The following ESR1 variants were observed in gnomAD, a reference collection of about 807,000 sequenced individuals.
The protein encoded by ESR1 is estrogen receptor 1.
In ESR1, 12 loss-of-function variants were observed where a neutral mutation model predicts 52.7. That is an observed-to-expected ratio of 0.23 (90% CI 0.15 to 0.37). The LOEUF (loss-of-function observed/expected upper bound fraction) is 0.37, where lower values mean the gene tolerates loss of function less well. Among genes scored for constraint, ESR1 ranks in the 10% least tolerant of loss-of-function variants. The pLI, the probability that ESR1 is intolerant of heterozygous loss-of-function variation, is 1.00. For synonymous variants in ESR1, 305 were observed against 316.8 expected (o/e 0.96, Z 0.39); for missense variants, 584 against 779.7 (o/e 0.75, Z 2.99).
At chr6:151,863,593 G>A (rs1342349702) in intron 2 of ESR1, among the ~76,000 whole-genome samples, 3 of 152,046 alleles carry the variant, frequency 2.0e-5, no homozygotes, top group Non-Finnish European at 4.4e-5. Context: ...CTGCAAACAG[G>A]GACAATTTGA....
Position 152,008,009 on chromosome 6 carries a change from C to T in ESR1, c.1097-3647C>T, listed in dbSNP as rs184890408. Among the ~76,000 whole-genome samples the T allele has an allele frequency of 2.0e-3, 308 of 152,158 alleles. 1 individual carries two copies. Among genetic ancestry groups the T allele is most frequent in the Non-Finnish European group, 3.7e-3 (252 of 67,982 alleles). On this transcript the variant is annotated intron_variant, in intron 4 of 7. Transcript: ENST00000206249. Reference sequence around the variant, plus strand: ...AAGGTCTTGAAACTTGATGTCTATCCATAGTTGGCCCAATATAATTTTGCA... The same window carrying T: ...AAGGTCTTGAAACTTGATGTCTATCTATAGTTGGCCCAATATAATTTTGCA...
At chr6:151,711,933 C>T (rs1200177914) in intron 2 of ESR1, among the ~76,000 whole-genome samples, 1 of 152,090 alleles carries the variant, frequency 6.6e-6, no homozygotes, top group Admixed American at 6.6e-5. Flanking sequence ...ATGCCTGTGT[C>T]CTAAATGGTA....
chr6:151,916,589 CCT>C (rs1562544696), intron 3 of ESR1, among the ~76,000 whole-genome samples: 1 of 152,082 alleles, frequency 6.6e-6, no homozygotes, highest in African/African-American at 2.4e-5. Flanking sequence ...CTTTCGATGA[CCT>C]CTCTATTAAA....
intron 6 of ESR1, among the ~76,000 whole-genome samples, chr6:152,119,032 C>T (rs992060942): frequency 1.3e-5 from 2 of 152,208 alleles, no homozygotes; most frequent in Admixed American, 6.5e-5. Context: ...GAACAAGGAA[C>T]CTGTCCACTG....
intron 5 of ESR1, 93 bp downstream of exon 5, chr6:152,011,887 A>G (rs2042791416): frequency 5.7e-6 from 8 of 1,404,856 alleles, no homozygotes; most frequent in Non-Finnish European, 7.9e-6. Context: ...GTGAAGCTTC[A>G]GAGAACTTTA....
At chr6:152,069,071 G>A (rs1232328669) in intron 6 of ESR1, among the ~76,000 whole-genome samples, 1 of 137,670 alleles carries the variant, frequency 7.3e-6, no homozygotes, top group African/African-American at 3.2e-5. Flanking sequence ...TTGATGGCAT[G>A]TTGCATGGTA....
In ESR1 at chr6:151,730,550, C is replaced by T. The variant is rs183007923; in HGVS notation, c.-71+28545C>T. ...CTCCCATTCGAGTTCCTCACTAGCTCCTTTTTGACAGTTCTTTCTTTTTTG... is the reference window on the plus strand; with the variant it reads ...CTCCCATTCGAGTTCCTCACTAGCTTCTTTTTGACAGTTCTTTCTTTTTTG... On this transcript the variant is annotated intron_variant, in intron 2 of 2. Transcript: ENST00000404742. Among the ~76,000 whole-genome samples, 18 of 152,286 alleles carry T rather than the reference C, an allele frequency of 1.2e-4. No individual in the cohort carries two copies. The East Asian group carries it at 3.1e-3, about 26-fold the overall frequency.
chr6:151,809,228 C>G (rs1182199044), intron 1 of ESR1: 1 of 450,592 alleles, frequency 2.2e-6, no homozygotes, highest in Non-Finnish European at 4.7e-6. Context: ...GGAGCGCGGC[C>G]GGTCCAGGAC....
At chr6:151,697,510 G>A (rs1779442326) in intron 1 of ESR1, among the ~76,000 whole-genome samples, 4 of 152,302 alleles carry the variant, frequency 2.6e-5, no homozygotes, top group Non-Finnish European at 5.9e-5. Context: ...TGCCTTATAT[G>A]TGTAAAATGC....
chr6:151,680,025 T>A lies in ESR1; in HGVS notation n.74-21850T>A, dbSNP rs375892009. Among the ~76,000 whole-genome samples the A allele has an allele frequency of 4.6e-5, 7 of 152,158 alleles. No individual in the cohort carries two copies. The South Asian group carries it at 1.5e-3, about 32-fold the overall frequency. On this transcript the variant is annotated intron_variant and non_coding_transcript_variant, in intron 1 of 2. Transcript: ENST00000473497. ...CATCTGACTTTCTTTCTATATATAT[T>A]TTATTTATTGGTTAGCTCGGCTGCT...
chr6:151,860,178 G>A (rs1432317229), intron 2 of ESR1, among the ~76,000 whole-genome samples: 1 of 151,998 alleles, frequency 6.6e-6, no homozygotes, highest in Non-Finnish European at 1.5e-5. Context: ...TGTACAAGAT[G>A]TTTTGATATA....
intron 5 of ESR1, among the ~76,000 whole-genome samples, chr6:152,034,620 T>G (rs2045108946): frequency 6.6e-6 from 1 of 152,138 alleles, no homozygotes; most frequent in Admixed American, 6.6e-5. Context: ...GAGTTTTCTG[T>G]TTCTGAAATG....
chr6:151,719,744 A>C (rs1332519703), intron 2 of ESR1, among the ~76,000 whole-genome samples: 1 of 152,170 alleles, frequency 6.6e-6, no homozygotes, highest in African/African-American at 2.4e-5. Flanking sequence ...CCCTTAGATC[A>C]CTAGGAAAAT....
At chr6:151,699,861 G>C (rs991049884) in intron 1 of ESR1, among the ~76,000 whole-genome samples, 1 of 152,098 alleles carries the variant, frequency 6.6e-6, no homozygotes, top group African/African-American at 2.4e-5. Context: ...GCCAAGTTGA[G>C]AATTGAGCAA....
At chr6:152,097,101 C>A (rs9341059) in intron 7 of ESR1, among the ~76,000 whole-genome samples, 1 of 152,064 alleles carries the variant, frequency 6.6e-6, no homozygotes, top group Non-Finnish European at 1.5e-5. Context: ...CTGTTGGAAT[C>A]GTGTGAAAAG....
At chr6:151,668,827 G>C (rs1460515720) in intron 1 of ESR1, among the ~76,000 whole-genome samples, 2 of 152,114 alleles carry the variant, frequency 1.3e-5, no homozygotes, top group Admixed American at 1.3e-4. Context: ...TACTTTATTA[G>C]AGAAAGGGCA....
chr6:152,094,395 A>G lies in ESR1; in HGVS notation c.1380A>G (p.Thr460=). Residue 460 remains threonine, a synonymous_variant, in exon 7 of 8, where the codon ACA becomes ACG. Transcript: ENST00000206249. The surrounding 1 kb of genome is among the most constrained non-coding windows in gnomAD (Gnocchi z 4.6). ...TCTCTGCGCATTCAGGAGTGTACACATTTCTGTCCAGCACCCTGAAGTCTC... is the reference window on the plus strand; with the variant it reads ...TCTCTGCGCATTCAGGAGTGTACACGTTTCTGTCCAGCACCCTGAAGTCTC... ...SIILLNSGVY[T]FLSSTLKSLE... 1 of 1,613,966 alleles carries G rather than the reference A, an allele frequency of 6.2e-7. No homozygotes were observed. The highest frequency in any genetic ancestry group is 2.2e-5 in the East Asian group (1 of 44,876).
At chr6:151,730,880 A>G (rs1007452408) in intron 2 of ESR1, among the ~76,000 whole-genome samples, 2 of 152,220 alleles carry the variant, frequency 1.3e-5, no homozygotes, top group African/African-American at 2.4e-5. Context: ...ATTAAATTAA[A>G]TAGATATAAT....
chr6:152,021,189 C>T (rs1251802650), intron 5 of ESR1, among the ~76,000 whole-genome samples: 1 of 152,088 alleles, frequency 6.6e-6, no homozygotes, highest in Non-Finnish European at 1.5e-5. Context: ...TAGTCAGCTG[C>T]CAGCGAATAT....
Sources: gnomAD v4.1 joint callset for allele counts (sites outside exome capture counted in the v4.1 genomes callset) on GRCh38, gnomAD v4.1.1 for gene constraint, Gnocchi (gnomAD v3.1) non-coding constraint, MANE v1.5 for transcripts, NCBI Gene and HGNC (gene_info 2026-07-23, HGNC 2026-07-21) for gene names.